Variants in BCL7C observed in about 807,000 individuals in gnomAD.
BCL7C encodes BAF chromatin remodeling complex subunit BCL7C, also known as B-cell CLL/lymphoma 7 protein family member C.
BCL7C carries 8 observed loss-of-function variants against 26.2 expected under a neutral mutation model. That is an observed-to-expected ratio of 0.30 (90% confidence interval 0.18 to 0.55). BCL7C has a LOEUF of 0.55. BCL7C is among the 20% of genes least tolerant of loss of function. BCL7C has a pLI of 0.93. For missense variants in BCL7C, 262 were observed against 298.5 expected, an observed-to-expected ratio of 0.88 and a Z score of 0.90; for synonymous variants, 90 against 116.5, an observed-to-expected ratio of 0.77 and a Z score of 1.47.
At chr16:30,869,509 CTTTTT>C (rs66513735) in intron 5 of BCL7C, among the ~76,000 whole-genome samples, 2 of 135,370 alleles carry the variant, frequency 1.5e-5, no homozygotes, top group Admixed American at 7.5e-5. Flanking sequence ...CTGGCTCTTT[CTTTTT>C]TTTTTTTTTT....
At chr16:30,845,697 CT>C (rs2054630209) in intron 5 of BCL7C, among the ~76,000 whole-genome samples, 1 of 152,046 alleles carries the variant, frequency 6.6e-6, no homozygotes, top group Non-Finnish European at 1.5e-5. Flanking sequence ...TATCTGCCAC[CT>C]CTGTATTTCT....
intron 5 of BCL7C, among the ~76,000 whole-genome samples, chr16:30,879,929 T>G (rs142745164): frequency 0.014 from 2,153 of 151,022 alleles, 72 homozygotes; most frequent in African/African-American, 0.049. Flanking sequence ...GGCAGAGCTT[T>G]CAGTGAGCCA....
rs968558201 is a variant in BCL7C, at chr16:30,894,077, C to G, written c.-133G>C. 5.2e-6 allele frequency: 1 copy of G among 192,006 alleles called. No homozygotes were observed. The highest frequency in any genetic ancestry group is 2.4e-5 in the African/African-American group (1 of 41,898). The allele number at this position is 192,006 out of a possible 1,614,324, so 11.9% of individuals were successfully genotyped here. On this transcript the variant is annotated 5_prime_UTR_variant, in exon 1 of 6. Coordinates refer to ENST00000215115, the MANE Select transcript of BCL7C (RefSeq NM_004765.4). ...CCCTGGAGTTGGCCGCGCCCTCTCT[C>G]GTCCCCAACGCCTCCGCAAGTCCCC...
chr16:30,873,067 C>T (rs2054894650), intron 5 of BCL7C, among the ~76,000 whole-genome samples: 2 of 131,992 alleles, frequency 1.5e-5, no homozygotes, highest in African/African-American at 5.8e-5. Context: ...TATCAACTCA[C>T]GTTTTGATGG....
At chr16:30,857,281 G>C (rs1386758870) in intron 5 of BCL7C, among the ~76,000 whole-genome samples, 1 of 151,718 alleles carries the variant, frequency 6.6e-6, no homozygotes, top group South Asian at 2.1e-4. Flanking sequence ...CCAGCTACCC[G>C]GGAGGCTGAG....
At chr16:30,886,930 T>C (rs1264039356), downstream of BCL7C, among the ~76,000 whole-genome samples, 1 of 152,096 alleles carries the variant, frequency 6.6e-6, no homozygotes, top group Non-Finnish European at 1.5e-5. Context: ...CCCAACACTT[T>C]AGGAGGCCAA....
In BCL7C at chr16:30,892,706, G is replaced by T; in HGVS notation, c.322C>A (p.Gln108Lys). Reference sequence around the variant, plus strand: ...CCAGGACTGGGCTCTGTGCCCTTTTGCAGGGAACCTTCCGAATGGAAACTC... The same window carrying T: ...CCAGGACTGGGCTCTGTGCCCTTTTTCAGGGAACCTTCCGAATGGAAACTC... The part of the protein sequence containing the change: ...NQSFHSEGSL[Q>K]KGTEPSPGGT... The change falls in exon 4 of 6, where the codon CAA (glutamine) becomes AAA (lysine). Residue 108 changes from glutamine (Q) to lysine (K), a missense_variant. By Grantham distance (53) the Gln-to-Lys change is moderately conservative. Transcript: ENST00000215115. 6.2e-7 allele frequency: 1 copy of T among 1,614,158 alleles called. No homozygotes were observed. Among genetic ancestry groups the T allele is most frequent in the Non-Finnish European group, 8.5e-7 (1 of 1,180,000 alleles).
chr16:30,865,641 T>C lies in BCL7C; in HGVS notation c.528+23219A>G, dbSNP rs182813848. Reference sequence around the variant, plus strand: ...ATTCAAGGTACTGGCAGTAGGACTCTAGGTGGCAGGAATAGTGTTACTCTC... The same window carrying C: ...ATTCAAGGTACTGGCAGTAGGACTCCAGGTGGCAGGAATAGTGTTACTCTC... On this transcript the variant is annotated intron_variant, in intron 5 of 5. Coordinates refer to the BCL7C transcript ENST00000380317. Among the ~76,000 whole-genome samples the C allele has an allele frequency of 2.6e-3, 392 of 152,046 alleles. 2 individuals carry two copies. The highest frequency in any genetic ancestry group is 8.2e-3 in the African/African-American group (341 of 41,496).
intron 5 of BCL7C, among the ~76,000 whole-genome samples, chr16:30,868,129 G>GTTTTT (rs11404665): frequency 7.6e-6 from 1 of 131,640 alleles, no homozygotes; most frequent in African/African-American, 2.9e-5. Context: ...AAATCTGTGG[G>GTTTTT]TTTTTTTTTT....
intron 5 of BCL7C, among the ~76,000 whole-genome samples, chr16:30,836,774 C>A (rs988786983): frequency 6.6e-6 from 1 of 151,498 alleles, no homozygotes; most frequent in African/African-American, 2.4e-5. Context: ...CTCGCCTGGC[C>A]AAGACTCCAT....
downstream of BCL7C, among the ~76,000 whole-genome samples, chr16:30,887,504 A>G (rs1286783217): frequency 1.3e-5 from 2 of 148,850 alleles, no homozygotes; most frequent in Non-Finnish European, 3.0e-5. Flanking sequence ...AAAAAGAATC[A>G]TGGCCTAGCT....
At chr16:30,858,683 A>G (rs2054744979) in intron 5 of BCL7C, among the ~76,000 whole-genome samples, 1 of 152,190 alleles carries the variant, frequency 6.6e-6, no homozygotes, top group Admixed American at 6.5e-5. Flanking sequence ...AAATCCTATC[A>G]CATGTCAGAA....
At chr16:30,850,209 C>CAA (rs778231654) in intron 5 of BCL7C, among the ~76,000 whole-genome samples, 18 of 86,542 alleles carry the variant, frequency 2.1e-4, no homozygotes, top group African/African-American at 6.4e-4. Flanking sequence ...GACTCCATCT[C>CAA]AAAAAAAAAA....
intron 5 of BCL7C, chr16:30,835,187 T>C: frequency 7.0e-7 from 1 of 1,422,106 alleles, no homozygotes; most frequent in South Asian, 1.5e-5. Flanking sequence ...GTGTTTCCTC[T>C]TCTCCCCACC....
intron 5 of BCL7C, among the ~76,000 whole-genome samples, chr16:30,881,425 C>CACACACACACACA (rs1491523089): frequency 3.5e-5 from 5 of 143,040 alleles, no homozygotes; most frequent in South Asian, 2.2e-4. Flanking sequence ...CACACACACA[C>CACACACACACACA]AACAAAAAAT....
chr16:30,891,321 G>A (rs1010590084), intron 4 of BCL7C, among the ~76,000 whole-genome samples: 1 of 152,078 alleles, frequency 6.6e-6, no homozygotes, highest in African/African-American at 2.4e-5. Flanking sequence ...AACCAGCCGA[G>A]CATGGTGGTT....
In BCL7C at chr16:30,834,832, T is replaced by A. The variant is rs1596804900; in HGVS notation, c.*116A>T. On this transcript the variant is annotated 3_prime_UTR_variant, in exon 6 of 6. Transcript: ENST00000380317. This position sits in a 1 kb window ranked among gnomAD's most constrained non-coding sequence, Gnocchi z 4.3. ...AGGTGTGGGGCCGCTCGCCCTCCGA[T>A]GTTACCGCGGTGGGTGAGCTGGGAA... 3 of 1,080,562 alleles carry A rather than the reference T, an allele frequency of 2.8e-6. No homozygotes were observed. Among genetic ancestry groups the A allele is most frequent in the Non-Finnish European group, 3.9e-6 (3 of 773,422 alleles). The allele number at this position is 1,080,562 out of a possible 1,614,324, so 66.9% of individuals were successfully genotyped here.
At chr16:30,882,876 C>T (rs957664493), downstream of BCL7C, among the ~76,000 whole-genome samples, 1 of 152,144 alleles carries the variant, frequency 6.6e-6, no homozygotes, top group Non-Finnish European at 1.5e-5. Flanking sequence ...CCTAACAGGA[C>T]GTGGTGGTTC....
intron 5 of BCL7C, among the ~76,000 whole-genome samples, chr16:30,859,391 G>A (rs1473002753): frequency 6.6e-6 from 1 of 152,160 alleles, no homozygotes; most frequent in Non-Finnish European, 1.5e-5. Context: ...GCTGAGCTAG[G>A]AGGATCATTT....
Sources: allele counts gnomAD v4.1 joint callset (sites outside exome capture counted in the v4.1 genomes callset), GRCh38; gene constraint gnomAD v4.1.1; non-coding constraint Gnocchi (gnomAD v3.1); transcripts MANE v1.5; gene names NCBI Gene and HGNC (gene_info 2026-07-23, HGNC 2026-07-21).